Variants in LRMDA observed in about 807,000 individuals in gnomAD.
LRMDA encodes the protein leucine-rich melanocyte differentiation-associated protein.
A neutral mutation model predicts 29.8 loss-of-function variants in LRMDA; 18 were observed. The observed-to-expected ratio is 0.60, with a 90% CI of 0.42 to 0.90. LRMDA has a LOEUF of 0.90. Among genes scored for constraint, LRMDA ranks in the 40% least tolerant of loss-of-function variants. The probability of loss-of-function intolerance (pLI) is 0.00; values close to 1 mark genes in which losing one functional copy is unlikely to be tolerated. For missense variants in LRMDA, 273 were observed against 273.9 expected (o/e 1.00, Z 0.02); for synonymous variants, 125 against 109.4 (o/e 1.14, Z -0.89).
chr10:75,833,281 C>A (rs1211157926), intron 2 of LRMDA, among the ~76,000 whole-genome samples: 1 of 152,158 alleles, frequency 6.6e-6, no homozygotes, highest in African/African-American at 2.4e-5. Context: ...GATATTGCAA[C>A]CACGTATTAA....
intron 2 of LRMDA, among the ~76,000 whole-genome samples, chr10:76,031,645 C>A (rs892579742): frequency 6.6e-6 from 1 of 151,942 alleles, no homozygotes; most frequent in Admixed American, 6.5e-5. Flanking sequence ...CCAGCCCTTG[C>A]AGGTCTGGGG....
intron 6 of LRMDA, among the ~76,000 whole-genome samples, chr10:76,478,074 C>T (rs1842695651): frequency 6.6e-6 from 1 of 152,082 alleles, no homozygotes; most frequent in South Asian, 2.1e-4. Context: ...AACTCAAGAG[C>T]TTCTGCACAG....
At chr10:76,507,486 C>G (rs1392266547) in intron 6 of LRMDA, among the ~76,000 whole-genome samples, 2 of 151,818 alleles carry the variant, frequency 1.3e-5, no homozygotes, top group African/African-American at 4.8e-5. Flanking sequence ...TCTTCTTATC[C>G]TTATCTTAGA....
At chr10:76,234,435 C>T (rs909116205) in intron 5 of LRMDA, among the ~76,000 whole-genome samples, 2 of 152,146 alleles carry the variant, frequency 1.3e-5, no homozygotes, top group African/African-American at 4.8e-5. Flanking sequence ...GATAAATGAA[C>T]ATTGGCTTCA....
At chr10:76,318,454 C>T (rs1840727666) in intron 5 of LRMDA, 1 of 152,264 alleles carries the variant, frequency 6.6e-6, no homozygotes, top group South Asian at 2.1e-4. Flanking sequence ...TTGACATAAT[C>T]CTCCCCTCCC....
chr10:76,146,252 C>T (rs1850316238), intron 5 of LRMDA, among the ~76,000 whole-genome samples: 1 of 151,924 alleles, frequency 6.6e-6, no homozygotes, highest in South Asian at 2.1e-4. Flanking sequence ...TCCTTGTTGA[C>T]TTTCTGTCTC....
intron 6 of LRMDA, among the ~76,000 whole-genome samples, chr10:76,541,751 C>T (rs563028910): frequency 6.4e-4 from 98 of 152,232 alleles, no homozygotes; most frequent in Admixed American, 1.1e-3. Flanking sequence ...CATGCCAGTC[C>T]AGAGTAGTTT....
At chr10:75,440,328 T>C (rs1271268001) in intron 2 of LRMDA, among the ~76,000 whole-genome samples, 1 of 151,304 alleles carries the variant, frequency 6.6e-6, no homozygotes, top group African/African-American at 2.4e-5. Flanking sequence ...GACATTTCTG[T>C]AGTGTTGAGT....
chr10:75,532,264 A>T (rs2132043759), intron 2 of LRMDA, among the ~76,000 whole-genome samples: 1 of 152,132 alleles, frequency 6.6e-6, no homozygotes, highest in South Asian at 2.1e-4. Context: ...TCTTGGGGAG[A>T]GGTGACAAAG....
chr10:75,484,074 G>A (rs112391983), intron 2 of LRMDA, among the ~76,000 whole-genome samples: 1 of 151,986 alleles, frequency 6.6e-6, no homozygotes, highest in Non-Finnish European at 1.5e-5. Flanking sequence ...TCCCACTTCA[G>A]CCTCCCAAGT....
intron 2 of LRMDA, among the ~76,000 whole-genome samples, chr10:75,622,520 C>T (rs1233502012): frequency 6.6e-6 from 1 of 152,242 alleles, no homozygotes; most frequent in Non-Finnish European, 1.5e-5. Flanking sequence ...CAGTCACTAC[C>T]AAGTAGCTCA....
chr10:75,966,301 G>T (rs1271015388), intron 2 of LRMDA, among the ~76,000 whole-genome samples: 1 of 152,166 alleles, frequency 6.6e-6, no homozygotes, highest in Non-Finnish European at 1.5e-5. Flanking sequence ...CCTTAGGCAG[G>T]TTTCTTCATG....
At chr10:76,064,481 G>A (rs973756968) in intron 5 of LRMDA, among the ~76,000 whole-genome samples, 9 of 152,210 alleles carry the variant, frequency 5.9e-5, no homozygotes, top group East Asian at 1.9e-4. Flanking sequence ...GAAATTTTCC[G>A]TCTTCGCCGC....
At chr10:76,237,719 C>A (rs1461412427) in intron 5 of LRMDA, among the ~76,000 whole-genome samples, 1 of 151,096 alleles carries the variant, frequency 6.6e-6, no homozygotes, top group Non-Finnish European at 1.5e-5. Flanking sequence ...GCCATAGGGA[C>A]TCCAGGGAAG....
At chr10:76,113,562 C>G (rs1485876420) in intron 5 of LRMDA, among the ~76,000 whole-genome samples, 2 of 152,116 alleles carry the variant, frequency 1.3e-5, no homozygotes, top group Non-Finnish European at 2.9e-5. Context: ...TGCTGTATTG[C>G]TTTTTCTTGA....
chr10:75,445,572 G>GA (rs1170655230), intron 2 of LRMDA, among the ~76,000 whole-genome samples: 2 of 208 alleles, frequency 9.6e-3, no homozygotes, highest in African/African-American at 0.019. Context: ...TGCTTTAGCC[G>GA]GGTTGGTTCC....
intron 3 of LRMDA, among the ~76,000 whole-genome samples, chr10:76,037,759 A>T (rs1013353040): frequency 1.3e-5 from 2 of 152,168 alleles, no homozygotes; most frequent in Non-Finnish European, 2.9e-5. Context: ...TTATGACCTA[A>T]TCACCTCCCA....
intron 6 of LRMDA, among the ~76,000 whole-genome samples, chr10:76,446,269 A>G (rs1040684388): frequency 4.6e-5 from 7 of 152,166 alleles, no homozygotes; most frequent in African/African-American, 1.7e-4. Flanking sequence ...GATGCAGCTT[A>G]TTTATTCATT....
chr10:75,469,830 G>T (rs1444695921), intron 2 of LRMDA, among the ~76,000 whole-genome samples: 1 of 152,192 alleles, frequency 6.6e-6, no homozygotes, highest in Non-Finnish European at 1.5e-5. Context: ...CTGGGCCTAG[G>T]AACCATAGTA....
Sources: gnomAD v4.1 joint callset for allele counts (sites outside exome capture counted in the v4.1 genomes callset) on GRCh38, gnomAD v4.1.1 for gene constraint, MANE v1.5 for transcripts, NCBI Gene and HGNC (gene_info 2026-07-23, HGNC 2026-07-21) for gene names.